Variants in NEK10 observed in about 807,000 individuals in gnomAD.
NEK10 encodes serine/threonine-protein kinase Nek10.
In NEK10, 122 loss-of-function variants were observed where a neutral mutation model predicts 159.8. The ratio of observed to expected loss-of-function variants is 0.76; its 90% CI spans 0.66 to 0.89. NEK10 has a LOEUF of 0.89. NEK10 is among the 40% of genes least tolerant of loss of function. The pLI, the probability that NEK10 is intolerant of heterozygous loss-of-function variation, is 0.00. For synonymous variants in NEK10, 466 were observed against 457.1 expected (o/e 1.02, Z -0.25); for missense variants, 1,342 against 1,323.1 (o/e 1.01, Z -0.22).
chr3:27,328,143 G>A (rs2046143027), intron 5 of NEK10, among the ~76,000 whole-genome samples: 2 of 152,060 alleles, frequency 1.3e-5, no homozygotes, highest in Non-Finnish European at 2.9e-5. Flanking sequence ...CATTCTTAGA[G>A]GTATTTCTTC....
intron 25 of NEK10, among the ~76,000 whole-genome samples, chr3:27,193,544 T>C (rs1376576931): frequency 6.7e-6 from 1 of 150,314 alleles, no homozygotes; most frequent in East Asian, 2.0e-4. Context: ...CTTCCCCAAA[T>C]AGCACCTGTC....
chr3:27,192,019 T>G lies in NEK10; in HGVS notation c.2505+10A>C. 6.2e-7 allele frequency: 1 copy of G among 1,613,434 alleles called. No individual in the cohort carries two copies. Among genetic ancestry groups the G allele is most frequent in the Non-Finnish European group, 8.5e-7 (1 of 1,179,316 alleles). On this transcript the variant is annotated intron_variant, in intron 26 of 35. Coordinates refer to ENST00000691995, the MANE Select transcript of NEK10 (RefSeq NM_001394966.1). Reference sequence around the variant, plus strand: ...GTGCATCATGAACCGATTGAAATATTTGCACTTACGTGAGATAGAACAGCC... The same window carrying G: ...GTGCATCATGAACCGATTGAAATATGTGCACTTACGTGAGATAGAACAGCC...
chr3:27,276,833 C>T (rs1415658619), intron 22 of NEK10, among the ~76,000 whole-genome samples: 1 of 152,136 alleles, frequency 6.6e-6, no homozygotes, highest in African/African-American at 2.4e-5. Context: ...CATGACTTTC[C>T]TGGACAAAAG....
At chr3:27,163,391 A>G (rs539652852) in intron 29 of NEK10, among the ~76,000 whole-genome samples, 138 of 151,686 alleles carry the variant, frequency 9.1e-4, no homozygotes, top group African/African-American at 3.2e-3. Flanking sequence ...TAGCTCTGTC[A>G]CCCAGGCTGG....
chr3:27,186,383 G>C (rs775642381), intron 26 of NEK10, among the ~76,000 whole-genome samples: 1 of 152,218 alleles, frequency 6.6e-6, no homozygotes, highest in African/African-American at 2.4e-5. Context: ...AGATGCAAGG[G>C]TAGCTTCTGG....
chr3:27,125,043 A>ATT (rs1329031369), intron 32 of NEK10, among the ~76,000 whole-genome samples: 1 of 152,138 alleles, frequency 6.6e-6, no homozygotes, highest in Non-Finnish European at 1.5e-5. Context: ...TGCTCTGAAT[A>ATT]GACACCTACA....
chr3:27,180,430 GGGGAGGGGAA>G (rs985747551), intron 26 of NEK10, among the ~76,000 whole-genome samples: 4 of 149,922 alleles, frequency 2.7e-5, no homozygotes, highest in Non-Finnish European at 6.0e-5. Context: ...GGGGAGGGGA[GGGGAGGGGAA>G]GGGAGGGGAA....
chr3:27,202,482 C>T lies in NEK10; in HGVS notation c.2166G>A (p.Met722Ile). 1.2e-6 allele frequency: 2 copies of T among 1,613,544 alleles called. No homozygotes were observed. The highest frequency in any genetic ancestry group is 1.7e-6 in the Non-Finnish European group (2 of 1,179,710). Reference sequence around the variant, plus strand: ...TGTAGAAGGGGGGACTCAAAGTCGCCATCTGATAAAGGATGCAGCCTACTG... The same window carrying T: ...TGTAGAAGGGGGGACTCAAAGTCGCTATCTGATAAAGGATGCAGCCTACTG... ...VWAVGCILYQ[M>I]ATLSPPFYST... is the part of the protein sequence containing the mutation. The change falls in exon 24 of 36, where the codon ATG becomes ATA. Residue 722 changes from methionine to isoleucine, a missense_variant. By Grantham distance (10) the Met-to-Ile change is conservative. Coordinates refer to ENST00000691995, the MANE Select transcript of NEK10 (RefSeq NM_001394966.1).
At position 27,291,330 on chromosome 3, in the gene NEK10, A is replaced by G. The variant is rs775277439; in HGVS notation, c.1537T>C (p.Leu513=). The G allele has an allele frequency of 2.5e-6, 4 of 1,613,384 alleles. No homozygotes were observed. In the East Asian group the frequency reaches 6.7e-5, roughly 27 times the overall value. ...IESINQNKAP[L]KYIGNYAILD... is the part of the protein sequence containing the mutation. ...ATTGCATAGTTGCCTATATATTTCA[A>G]AGGAGCTTTGTTCTGATTAATGCTT... The change falls in exon 18 of 36, where the codon TTG becomes CTG. Residue 513 remains leucine (L), a synonymous_variant. Coordinates refer to ENST00000691995, the MANE Select transcript of NEK10 (RefSeq NM_001394966.1).
intron 25 of NEK10, among the ~76,000 whole-genome samples, chr3:27,200,367 T>C (rs1344493911): frequency 6.6e-6 from 1 of 152,154 alleles, no homozygotes. Context: ...AAAAAGATTC[T>C]ATCTGGGGTG....
chr3:27,347,183 C>G (rs1185128959), intron 3 of NEK10, among the ~76,000 whole-genome samples: 4 of 152,056 alleles, frequency 2.6e-5, no homozygotes, highest in Non-Finnish European at 4.4e-5. Context: ...CACTTGTTGT[C>G]TTATTTCACT....
chr3:27,294,630 T>C (rs1466111862), intron 15 of NEK10, among the ~76,000 whole-genome samples: 1 of 152,126 alleles, frequency 6.6e-6, no homozygotes, highest in Admixed American at 6.6e-5. Context: ...TTCCCGTTGG[T>C]AGCGCTCCAA....
rs1008656486 is a variant in NEK10, at chr3:27,345,944, C to T, written c.263+142G>A. The T allele has an allele frequency of 4.7e-5, 35 of 742,786 alleles. No homozygotes were observed. The East Asian group carries it at 9.6e-4, about 20-fold the overall frequency. 46.0% of individuals were successfully genotyped at this position (742,786 alleles called of 1,614,324 possible). ...ATTATTTCTGGGAATGGTTTAAGCA[C>T]TAACTGAAAATATTAAATTAAGAAT... On this transcript the variant is annotated intron_variant, in intron 4 of 35. Transcript: ENST00000691995.
At chr3:27,154,035 A>G (rs1945156211) in intron 30 of NEK10, among the ~76,000 whole-genome samples, 1 of 152,194 alleles carries the variant, frequency 6.6e-6, no homozygotes, top group South Asian at 2.1e-4. Context: ...TTGAAAATAT[A>G]AATAAAATTG....
At chr3:27,176,456 T>C (rs1484632485) in intron 26 of NEK10, among the ~76,000 whole-genome samples, 1 of 152,184 alleles carries the variant, frequency 6.6e-6, no homozygotes. Flanking sequence ...CTCAGAAATT[T>C]TTCCAATGCC....
At chr3:27,168,990 T>C (rs1946717468) in intron 29 of NEK10, among the ~76,000 whole-genome samples, 1 of 152,176 alleles carries the variant, frequency 6.6e-6, no homozygotes, top group African/African-American at 2.4e-5. Flanking sequence ...CATCTCAAGC[T>C]CTAAAAGATA....
intron 22 of NEK10, chr3:27,265,551 ATTT>A (rs2040817007): frequency 6.6e-6 from 1 of 152,074 alleles, no homozygotes; most frequent in Non-Finnish European, 1.5e-5. Flanking sequence ...CTTTTCATGT[ATTT>A]ATTTGCCATC....
chr3:27,235,102 A>T (rs980985322), intron 23 of NEK10, among the ~76,000 whole-genome samples: 2 of 152,148 alleles, frequency 1.3e-5, no homozygotes, highest in African/African-American at 4.8e-5. Context: ...TATACCACAC[A>T]CAAAAATCAA....
chr3:27,247,820 C>CTTTTTTTTTTTTTTT (rs111440414), intron 23 of NEK10, among the ~76,000 whole-genome samples: 6 of 125,896 alleles, frequency 4.8e-5, no homozygotes, highest in East Asian at 2.3e-4. Context: ...CTTTTCTTTT[C>CTTTTTTTTTTTTTTT]TTTTTTTTTT....
Sources: allele counts gnomAD v4.1 joint callset (sites outside exome capture counted in the v4.1 genomes callset), GRCh38; gene constraint gnomAD v4.1.1; transcripts MANE v1.5; gene names NCBI Gene and HGNC (gene_info 2026-07-23, HGNC 2026-07-21).